Variants in KIAA1958 observed in about 807,000 individuals in gnomAD.
The protein encoded by KIAA1958 is KIAA1958, also known as uncharacterized protein KIAA1958.
In KIAA1958, 14 loss-of-function variants were observed where a neutral mutation model predicts 47.2. The ratio of observed to expected loss-of-function variants is 0.30; its 90% CI spans 0.20 to 0.46. The LOEUF (loss-of-function observed/expected upper bound fraction) is 0.46. Ranked by LOEUF, KIAA1958 falls within the 20% of genes least tolerant of loss-of-function variation. KIAA1958 has a pLI of 1.00. For synonymous variants in KIAA1958, 354 were observed against 353.3 expected (o/e 1.00, Z -0.02); for missense variants, 803 against 909.2 (o/e 0.88, Z 1.50).
chr9:112,505,629 G>T (rs1350058146), intron 1 of KIAA1958, among the ~76,000 whole-genome samples: 1 of 152,198 alleles, frequency 6.6e-6, no homozygotes, highest in Admixed American at 6.5e-5. Flanking sequence ...AATTAGCATA[G>T]TGGTTTCAAA....
intron 2 of KIAA1958, among the ~76,000 whole-genome samples, chr9:112,583,633 G>GA (rs1267323546): frequency 6.6e-6 from 1 of 152,124 alleles, no homozygotes; most frequent in Non-Finnish European, 1.5e-5. Flanking sequence ...TGAAATAGAT[G>GA]AATCAGCCAG....
At chr9:112,541,802 C>T (rs1834949402) in intron 1 of KIAA1958, among the ~76,000 whole-genome samples, 1 of 151,046 alleles carries the variant, frequency 6.6e-6, no homozygotes, top group Non-Finnish European at 1.5e-5. Context: ...GAGCCTCCGT[C>T]TCAAAAAAAA....
intron 1 of KIAA1958, among the ~76,000 whole-genome samples, chr9:112,489,994 T>C (rs994106546): frequency 6.6e-6 from 1 of 152,230 alleles, no homozygotes; most frequent in African/African-American, 2.4e-5. Flanking sequence ...GTCTTTCTTT[T>C]TGACATTTTT....
intron 3 of KIAA1958, among the ~76,000 whole-genome samples, chr9:112,651,386 T>C (rs1431099793): frequency 1.4e-5 from 2 of 138,282 alleles, no homozygotes; most frequent in Admixed American, 8.2e-5. Flanking sequence ...TATTTCTCTA[T>C]ATATATACAT....
chr9:112,492,524 C>T (rs924276979), intron 1 of KIAA1958, among the ~76,000 whole-genome samples: 2 of 152,174 alleles, frequency 1.3e-5, no homozygotes, highest in Non-Finnish European at 2.9e-5. Flanking sequence ...TACCTACTGC[C>T]TTTCATGCAT....
chr9:112,650,417 C>T (rs1386840486), intron 3 of KIAA1958, among the ~76,000 whole-genome samples: 1 of 151,820 alleles, frequency 6.6e-6, no homozygotes, highest in Admixed American at 6.6e-5. Context: ...ACAGCAATAG[C>T]AAAAAGGATA....
intron 1 of KIAA1958, among the ~76,000 whole-genome samples, chr9:112,537,657 GAT>G (rs1372893030): frequency 6.6e-6 from 1 of 152,208 alleles, no homozygotes; most frequent in Non-Finnish European, 1.5e-5. Context: ...GGTTGACAAA[GAT>G]ATGGAGCAAC....
rs191140123 is a variant in KIAA1958, at chr9:112,634,359, G to A, written c.1172-11291G>A. ...TTCTCCTGCCTCAGCCTCCCGAGTA[G>A]CTGGGATTACAGGCGCACACCACCA... On this transcript the variant is annotated intron_variant, in intron 2 of 3. Transcript: ENST00000337530. 1.6e-3 allele frequency among the ~76,000 whole-genome samples: 247 copies of A among 152,188 alleles called. 1 individual carries two copies. The highest frequency in any genetic ancestry group is 5.6e-3 in the African/African-American group (234 of 41,522).
At chr9:112,647,021 G>A (rs1052217883) in intron 3 of KIAA1958, among the ~76,000 whole-genome samples, 3 of 152,166 alleles carry the variant, frequency 2.0e-5, no homozygotes, top group African/African-American at 7.2e-5. Flanking sequence ...GGGCAAGTGA[G>A]ATCTCCAGGT....
At chr9:112,619,395 G>A (rs993809987) in intron 2 of KIAA1958, among the ~76,000 whole-genome samples, 2 of 151,880 alleles carry the variant, frequency 1.3e-5, no homozygotes, top group Admixed American at 6.6e-5. Context: ...TACTGCTGAC[G>A]CAAAACTGTA....
intron 1 of KIAA1958, among the ~76,000 whole-genome samples, chr9:112,493,935 A>T (rs1220537700): frequency 6.6e-6 from 1 of 152,180 alleles, no homozygotes; most frequent in African/African-American, 2.4e-5. Flanking sequence ...CCTCACAATT[A>T]CTTAACTGTG....
intron 2 of KIAA1958, among the ~76,000 whole-genome samples, chr9:112,634,956 A>AT (rs1008679110): frequency 2.0e-5 from 3 of 151,312 alleles, no homozygotes; most frequent in Non-Finnish European, 4.4e-5. Flanking sequence ...TCCATTTGGA[A>AT]TTTTTTTTTG....
intron 1 of KIAA1958, among the ~76,000 whole-genome samples, chr9:112,540,893 T>C (rs1451014397): frequency 6.6e-6 from 1 of 152,116 alleles, no homozygotes. Flanking sequence ...TTTTTTATTT[T>C]TTATTTTTTG....
intron 1 of KIAA1958, among the ~76,000 whole-genome samples, chr9:112,553,485 T>C (rs1343012683): frequency 6.6e-6 from 1 of 152,126 alleles, no homozygotes; most frequent in Non-Finnish European, 1.5e-5. Flanking sequence ...TTCCCTTATT[T>C]ACTAGCTTTT....
chr9:112,530,656 A>T (rs551240926), intron 1 of KIAA1958, among the ~76,000 whole-genome samples: 2 of 152,324 alleles, frequency 1.3e-5, no homozygotes, highest in South Asian at 2.1e-4. Context: ...TCAATTTTTT[A>T]AAATATAACT....
At chr9:112,488,479 G>A (rs970947281) in intron 1 of KIAA1958, among the ~76,000 whole-genome samples, 1 of 152,070 alleles carries the variant, frequency 6.6e-6, no homozygotes, top group Non-Finnish European at 1.5e-5. Flanking sequence ...ATGGATTTAT[G>A]CCTGTATCAA....
intron 2 of KIAA1958, among the ~76,000 whole-genome samples, chr9:112,587,268 G>T (rs1408636419): frequency 3.3e-5 from 5 of 152,104 alleles, no homozygotes; most frequent in Non-Finnish European, 7.4e-5. Flanking sequence ...TCATACCTCA[G>T]CCTCCTAAGT....
intron 1 of KIAA1958, among the ~76,000 whole-genome samples, chr9:112,566,073 T>C (rs959682316): frequency 3.9e-5 from 6 of 151,902 alleles, no homozygotes; most frequent in Non-Finnish European, 8.8e-5. Context: ...CCAGCTAATT[T>C]TTTGTATTTT....
intron 1 of KIAA1958, among the ~76,000 whole-genome samples, chr9:112,492,119 A>G (rs528642922): frequency 6.6e-6 from 1 of 152,334 alleles, no homozygotes; most frequent in South Asian, 2.1e-4. Flanking sequence ...CTCAGCTTGT[A>G]TTAATTTGTT....
Sources: gnomAD v4.1 joint callset for allele counts (sites outside exome capture counted in the v4.1 genomes callset) on GRCh38, gnomAD v4.1.1 for gene constraint, MANE v1.5 for transcripts, NCBI Gene and HGNC (gene_info 2026-07-23, HGNC 2026-07-21) for gene names.